The following FSTL5 variants were observed in gnomAD, a reference collection of about 807,000 sequenced individuals.
The protein encoded by FSTL5 is follistatin-related protein 5.
Under a neutral mutation model 89.1 loss-of-function variants are expected in FSTL5, and 62 were observed. The observed-to-expected ratio is 0.70, with a 90% confidence interval of 0.57 to 0.86. The LOEUF (loss-of-function observed/expected upper bound fraction) is 0.86. FSTL5 is among the 40% of genes least tolerant of loss of function. FSTL5 has a pLI of 0.00. For missense variants in FSTL5, 1,057 were observed against 1,001.6 expected (o/e 1.06, Z -0.75); for synonymous variants, 383 against 346.2 (o/e 1.11, Z -1.18).
chr4:161,848,740 C>T (rs897473560), intron 4 of FSTL5, among the ~76,000 whole-genome samples: 5 of 152,118 alleles, frequency 3.3e-5, no homozygotes, highest in African/African-American at 7.2e-5. Flanking sequence ...AACCTGTTGT[C>T]GCTGCCTCTA....
intron 6 of FSTL5, among the ~76,000 whole-genome samples, chr4:161,715,794 C>T (rs987764918): frequency 1.3e-5 from 2 of 152,112 alleles, no homozygotes; most frequent in African/African-American, 2.4e-5. Context: ...TCTAAGTCAT[C>T]CTTGATTTTC....
intron 12 of FSTL5, among the ~76,000 whole-genome samples, chr4:161,492,991 T>C (rs896389001): frequency 1.3e-5 from 2 of 151,956 alleles, no homozygotes; most frequent in African/African-American, 4.8e-5. Flanking sequence ...CAAACTGATA[T>C]TTGTGACTTT....
chr4:161,801,117 G>C (rs1466495141), intron 4 of FSTL5, among the ~76,000 whole-genome samples: 2 of 151,490 alleles, frequency 1.3e-5, no homozygotes, highest in African/African-American at 4.8e-5. Context: ...TAATAAAACA[G>C]CATTTTGCAA....
chr4:161,929,098 T>G (rs984242438), intron 3 of FSTL5, among the ~76,000 whole-genome samples: 1 of 151,554 alleles, frequency 6.6e-6, no homozygotes, highest in Non-Finnish European at 1.5e-5. Flanking sequence ...TTGTCTTCCT[T>G]CCTTACTTCC....
intron 3 of FSTL5, among the ~76,000 whole-genome samples, chr4:161,992,646 C>T (rs1370225153): frequency 6.6e-6 from 1 of 150,988 alleles, no homozygotes; most frequent in African/African-American, 2.4e-5. Flanking sequence ...AGTTTGAGAC[C>T]AGCCTAATCA....
intron 14 of FSTL5, among the ~76,000 whole-genome samples, chr4:161,456,833 A>G (rs900313627): frequency 3.3e-5 from 5 of 152,218 alleles, no homozygotes; most frequent in Admixed American, 6.5e-5. Flanking sequence ...TGAGAGATTT[A>G]GAGAATTATC....
At chr4:162,005,777 TG>T (rs1478438133) in intron 3 of FSTL5, among the ~76,000 whole-genome samples, 2 of 152,104 alleles carry the variant, frequency 1.3e-5, no homozygotes, top group Non-Finnish European at 2.9e-5. Context: ...ATGGACACTA[TG>T]GGATAAGCAC....
At chr4:161,559,100 C>T (rs367877426) in intron 8 of FSTL5, among the ~76,000 whole-genome samples, 11 of 151,788 alleles carry the variant, frequency 7.2e-5, no homozygotes, top group African/African-American at 1.7e-4. Flanking sequence ...CTGCATTCTC[C>T]GTTTCTCAGA....
intron 4 of FSTL5, among the ~76,000 whole-genome samples, chr4:161,854,762 C>T (rs1348369239): frequency 1.3e-5 from 2 of 152,150 alleles, no homozygotes; most frequent in South Asian, 2.1e-4. Context: ...AACTATGATA[C>T]ACAAAATTCA....
In FSTL5 at chr4:161,665,880, TGAA is replaced by T. The variant is rs147225837; in HGVS notation, c.728-9389_728-9387del. Among the ~76,000 whole-genome samples the T allele has an allele frequency of 7.2e-3, 1,089 of 150,550 alleles. 9 individuals carry two copies. Among genetic ancestry groups the T allele is most frequent in the African/African-American group, 0.024 (981 of 40,968 alleles). On this transcript the variant is annotated intron_variant, in intron 6 of 15. Coordinates refer to ENST00000306100, the MANE Select transcript of FSTL5 (RefSeq NM_020116.5). ...GACAGCAAAAAAATAAAAAAGAAGA[TGAA>T]GAAGAAGAAGAAGAAAAAGCATTTA...
chr4:161,879,415 G>A (rs1042140638), intron 4 of FSTL5, among the ~76,000 whole-genome samples: 3 of 152,022 alleles, frequency 2.0e-5, no homozygotes, highest in Admixed American at 1.3e-4. Flanking sequence ...ATTTCTTCAC[G>A]ATGCTTTCCC....
At chr4:161,819,468 T>C (rs1280818710) in intron 4 of FSTL5, among the ~76,000 whole-genome samples, 2 of 152,082 alleles carry the variant, frequency 1.3e-5, no homozygotes, top group African/African-American at 4.8e-5. Context: ...AAAATTATTC[T>C]TCAGTTTCCA....
intron 1 of FSTL5, among the ~76,000 whole-genome samples, chr4:162,118,558 T>A (rs539704708): frequency 6.6e-6 from 1 of 152,142 alleles, no homozygotes; most frequent in Non-Finnish European, 1.5e-5. Context: ...GAGTCCAGTT[T>A]TATAAGAGCA....
At chr4:161,946,081 C>A (rs1734727005) in intron 3 of FSTL5, among the ~76,000 whole-genome samples, 1 of 152,082 alleles carries the variant, frequency 6.6e-6, no homozygotes, top group Non-Finnish European at 1.5e-5. Flanking sequence ...TCTATGATTT[C>A]TTTATTGACT....
intron 3 of FSTL5, among the ~76,000 whole-genome samples, chr4:161,985,181 C>T (rs1213040717): frequency 1.3e-5 from 2 of 151,648 alleles, no homozygotes; most frequent in South Asian, 2.1e-4. Flanking sequence ...TTATATTTAC[C>T]CAAGATTACT....
At chr4:161,747,135 C>T (rs533096522) in intron 6 of FSTL5, among the ~76,000 whole-genome samples, 1 of 152,176 alleles carries the variant, frequency 6.6e-6, no homozygotes, top group South Asian at 2.1e-4. Flanking sequence ...AGTAACTAGC[C>T]TTAATAATGT....
chr4:161,778,018 C>A (rs574386876), intron 4 of FSTL5, among the ~76,000 whole-genome samples: 6 of 152,112 alleles, frequency 3.9e-5, no homozygotes, highest in African/African-American at 1.4e-4. Context: ...CGCTGGAACC[C>A]CGGAGGCAGA....
chr4:161,943,365 A>G (rs1158601706), intron 3 of FSTL5, among the ~76,000 whole-genome samples: 2 of 151,506 alleles, frequency 1.3e-5, no homozygotes. Flanking sequence ...TGTTCTGGCT[A>G]TTTTTGTAGT....
intron 12 of FSTL5, chr4:161,495,494 A>C (rs556046864): frequency 6.6e-6 from 1 of 152,298 alleles, no homozygotes; most frequent in African/African-American, 2.4e-5. Context: ...GGATAAATAT[A>C]GAAATAATCG....
Sources: allele counts gnomAD v4.1 joint callset (sites outside exome capture counted in the v4.1 genomes callset), GRCh38; gene constraint gnomAD v4.1.1; transcripts MANE v1.5; gene names NCBI Gene and HGNC (gene_info 2026-07-23, HGNC 2026-07-21).